The following GUCY1A2 variants were observed in gnomAD, a reference collection of about 807,000 sequenced individuals.
GUCY1A2 encodes guanylate cyclase soluble subunit alpha-2.
GUCY1A2 carries 27 observed loss-of-function variants against 63.5 expected under a neutral mutation model. The observed-to-expected ratio is 0.43, with a 90% CI of 0.31 to 0.59. The LOEUF is 0.59. GUCY1A2 is among the 20% of genes least tolerant of loss of function. The pLI is 0.11. For missense variants in GUCY1A2, 768 were observed against 913.3 expected, an observed-to-expected ratio of 0.84 and a Z score of 2.05; for synonymous variants, 364 against 343.5, an observed-to-expected ratio of 1.06 and a Z score of -0.66.
intron 4 of GUCY1A2, among the ~76,000 whole-genome samples, chr11:106,838,371 G>A (rs970971564): frequency 2.0e-5 from 3 of 151,932 alleles, no homozygotes; most frequent in Admixed American, 6.6e-5. Context: ...ATCAATGTAT[G>A]AATGAATAAA....
intron 4 of GUCY1A2, among the ~76,000 whole-genome samples, chr11:106,927,808 G>C (rs1860548273): frequency 1.3e-5 from 2 of 151,888 alleles, no homozygotes; most frequent in South Asian, 4.2e-4. Context: ...TCCTGACCTG[G>C]TGATCCACCT....
chr11:106,912,884 A>C (rs1424316587), intron 4 of GUCY1A2, among the ~76,000 whole-genome samples: 1 of 152,140 alleles, frequency 6.6e-6, no homozygotes, highest in Non-Finnish European at 1.5e-5. Context: ...TTGTTAGCCA[A>C]GTAGGAGTTT....
At chr11:106,836,546 G>A (rs1267973094) in intron 4 of GUCY1A2, among the ~76,000 whole-genome samples, 1 of 151,938 alleles carries the variant, frequency 6.6e-6, no homozygotes, top group Non-Finnish European at 1.5e-5. Context: ...CTGCCTCAAG[G>A]AAGCACATTC....
At chr11:106,785,440 T>A (rs1019008715) in intron 5 of GUCY1A2, among the ~76,000 whole-genome samples, 1 of 151,982 alleles carries the variant, frequency 6.6e-6, no homozygotes, top group African/African-American at 2.4e-5. Context: ...CTTACAACCA[T>A]ACCTGATGGA....
chr11:106,966,190 C>T (rs1297301502), intron 3 of GUCY1A2, among the ~76,000 whole-genome samples: 1 of 152,154 alleles, frequency 6.6e-6, no homozygotes, highest in Non-Finnish European at 1.5e-5. Context: ...TCACTACAAC[C>T]TCTGCCTCCT....
chr11:106,976,731 C>A (rs1395815112), intron 3 of GUCY1A2, among the ~76,000 whole-genome samples: 1 of 152,020 alleles, frequency 6.6e-6, no homozygotes, highest in Non-Finnish European at 1.5e-5. Flanking sequence ...GACCTAGTAT[C>A]TCTTTTGTAG....
chr11:106,734,019 CAATATAGT>C (rs1863547366), intron 6 of GUCY1A2, among the ~76,000 whole-genome samples: 4 of 152,096 alleles, frequency 2.6e-5, no homozygotes, highest in African/African-American at 9.7e-5. Flanking sequence ...GAATAGGTAA[CAATATAGT>C]AATCTCCCTT....
chr11:106,820,935 C>T (rs1337268453), intron 4 of GUCY1A2, among the ~76,000 whole-genome samples: 2 of 152,228 alleles, frequency 1.3e-5, no homozygotes, highest in African/African-American at 2.4e-5. Flanking sequence ...GACAATTTAT[C>T]TCTGTGCTTT....
At chr11:106,950,613 C>T (rs1196473262) in intron 3 of GUCY1A2, among the ~76,000 whole-genome samples, 1 of 152,100 alleles carries the variant, frequency 6.6e-6, no homozygotes. Context: ...ATTACTGTGA[C>T]GTACATAGAT....
At chr11:106,834,600 G>A (rs913359838) in intron 4 of GUCY1A2, among the ~76,000 whole-genome samples, 2 of 151,888 alleles carry the variant, frequency 1.3e-5, no homozygotes, top group African/African-American at 4.8e-5. Flanking sequence ...TAGGCTGGAA[G>A]GATCCTCATG....
At chr11:106,908,577 G>C (rs888666961) in intron 4 of GUCY1A2, among the ~76,000 whole-genome samples, 1 of 151,894 alleles carries the variant, frequency 6.6e-6, no homozygotes, top group African/African-American at 2.4e-5. Flanking sequence ...ACTTTGCAGA[G>C]AGAGAGGATG....
chr11:106,939,535 C>T lies in GUCY1A2; in HGVS notation c.1131G>A (p.Arg377=), dbSNP rs1331848465. The change falls in exon 4 of 8, where the codon AGG becomes AGA. Residue 377 remains arginine, a synonymous_variant. Transcript: ENST00000526355. The part of the protein sequence containing the change: ...VSPKVNATFE[R]VLLRLSTPFV... Reference sequence around the variant, plus strand: ...ACGGGGTAGACAGTCGCAGCAGGACCCTTTCAAAGGTGGCATTAACCTTTG... The same window carrying T: ...ACGGGGTAGACAGTCGCAGCAGGACTCTTTCAAAGGTGGCATTAACCTTTG... 1.9e-6 allele frequency: 3 copies of T among 1,613,766 alleles called. No individual in the cohort carries two copies. Among genetic ancestry groups the T allele is most frequent in the East Asian group, 2.2e-5 (1 of 44,880 alleles).
At chr11:106,846,095 T>C (rs1482817028) in intron 4 of GUCY1A2, among the ~76,000 whole-genome samples, 1 of 151,576 alleles carries the variant, frequency 6.6e-6, no homozygotes, top group Non-Finnish European at 1.5e-5. Context: ...CACTTTAGAA[T>C]AAAGGATGTT....
chr11:106,972,536 G>A (rs1861209262), intron 3 of GUCY1A2, among the ~76,000 whole-genome samples: 1 of 152,020 alleles, frequency 6.6e-6, no homozygotes, highest in East Asian at 1.9e-4. Flanking sequence ...CAATGCTTTA[G>A]AGACACAGAA....
rs555462483 is a variant in GUCY1A2, at chr11:106,684,187, G to C, written c.*3362C>G. Reference sequence around the variant, plus strand: ...TGTAAGAAACAACATTTGAAGTGCTGAACCTACAGACCCACTCTCAAGTCT... The same window carrying C: ...TGTAAGAAACAACATTTGAAGTGCTCAACCTACAGACCCACTCTCAAGTCT... On this transcript the variant is annotated 3_prime_UTR_variant, in exon 8 of 8. Coordinates refer to ENST00000526355, the MANE Select transcript of GUCY1A2 (RefSeq NM_000855.3). 58 of 184,592 alleles carry C rather than the reference G, an allele frequency of 3.1e-4. No individual in the cohort carries two copies. In the Admixed American group the frequency reaches 3.2e-3, roughly 10 times the overall value. 11.4% of individuals were successfully genotyped at this position (184,592 alleles called of 1,614,324 possible). A position where few individuals can be genotyped will look rare whatever the true frequency, so the allele number is the denominator to read the frequency against.
At chr11:106,735,199 G>C (rs1461753254) in intron 6 of GUCY1A2, among the ~76,000 whole-genome samples, 3 of 151,964 alleles carry the variant, frequency 2.0e-5, no homozygotes, top group East Asian at 3.9e-4. Context: ...TTCCTGACTA[G>C]TCACCCTGTT....
intron 3 of GUCY1A2, among the ~76,000 whole-genome samples, chr11:106,948,955 T>C (rs930449701): frequency 2.0e-5 from 3 of 152,190 alleles, no homozygotes; most frequent in Non-Finnish European, 2.9e-5. Context: ...GGGGACGGTA[T>C]GTATGCCTTA....
chr11:106,800,098 A>C (rs184017469), intron 5 of GUCY1A2, among the ~76,000 whole-genome samples: 1 of 152,354 alleles, frequency 6.6e-6, no homozygotes, highest in East Asian at 1.9e-4. Context: ...GACACTTCTC[A>C]AAAGAAGACA....
chr11:107,014,956 T>C, intron 1 of GUCY1A2, among the ~76,000 whole-genome samples: 1 of 152,112 alleles, frequency 6.6e-6, no homozygotes, highest in Non-Finnish European at 1.5e-5. Flanking sequence ...ACATAATCCA[T>C]CTCCTGAAGA....
Sources: gnomAD v4.1 joint callset for allele counts (sites outside exome capture counted in the v4.1 genomes callset) on GRCh38, gnomAD v4.1.1 for gene constraint, MANE v1.5 for transcripts, NCBI Gene and HGNC (gene_info 2026-07-23, HGNC 2026-07-21) for gene names.